Variants in BBX observed in about 807,000 individuals in gnomAD.
BBX encodes BBX high mobility group box domain containing.
A neutral mutation model predicts 100.2 loss-of-function variants in BBX; 30 were observed. That is an observed-to-expected ratio of 0.30 (90% CI 0.22 to 0.41). The LOEUF (loss-of-function observed/expected upper bound fraction) is 0.41. Ranked by LOEUF, BBX falls within the 10% of genes least tolerant of loss-of-function variation. The probability of loss-of-function intolerance (pLI) is 1.00; values close to 1 mark genes in which losing one functional copy is unlikely to be tolerated. For missense variants in BBX, 1,023 were observed against 1,129.8 expected, an observed-to-expected ratio of 0.91 and a Z score of 1.35; for synonymous variants, 376 against 388.1, an observed-to-expected ratio of 0.97 and a Z score of 0.37.
intron 15 of BBX, among the ~76,000 whole-genome samples, chr3:107,794,395 A>G (rs1181193709): frequency 2.0e-5 from 3 of 152,132 alleles, no homozygotes; most frequent in Admixed American, 2.0e-4. Flanking sequence ...TTTAACCCTC[A>G]TTTGGTTCAA....
intron 7 of BBX, among the ~76,000 whole-genome samples, chr3:107,739,545 G>A (rs2063910177): frequency 6.6e-6 from 1 of 152,290 alleles, no homozygotes; most frequent in East Asian, 1.9e-4. Context: ...CAGCTTGATT[G>A]ACAAATCACA....
chr3:107,629,414 A>G (rs1409885609), intron 2 of BBX, among the ~76,000 whole-genome samples: 6 of 152,224 alleles, frequency 3.9e-5, no homozygotes, highest in Non-Finnish European at 7.3e-5. Context: ...CTGTCCCTAA[A>G]TTAGTACCCA....
intron 10 of BBX, among the ~76,000 whole-genome samples, chr3:107,767,199 A>C (rs1297038276): frequency 6.6e-6 from 1 of 152,166 alleles, no homozygotes; most frequent in East Asian, 1.9e-4. Flanking sequence ...TTAAAGTATA[A>C]AATACATATG....
At chr3:107,525,455 GA>G (rs933914067) in intron 1 of BBX, 2 of 152,448 alleles carry the variant, frequency 1.3e-5, no homozygotes, top group African/African-American at 4.8e-5. Flanking sequence ...CTCCGTTATG[GA>G]AAGGTGTTTA....
chr3:107,737,154 C>G (rs1293955930), intron 7 of BBX, among the ~76,000 whole-genome samples: 2 of 152,100 alleles, frequency 1.3e-5, no homozygotes, highest in African/African-American at 4.8e-5. Context: ...CTGTAAGGCA[C>G]TTTTAACTCT....
chr3:107,629,152 A>C (rs1409544311), intron 2 of BBX, among the ~76,000 whole-genome samples: 2 of 152,086 alleles, frequency 1.3e-5, no homozygotes, highest in Admixed American at 1.3e-4. Flanking sequence ...GGGTGATTTG[A>C]GTAGCTAAGT....
chr3:107,594,489 G>A (rs1045202658), intron 2 of BBX, among the ~76,000 whole-genome samples: 5 of 152,184 alleles, frequency 3.3e-5, no homozygotes, highest in African/African-American at 1.2e-4. Flanking sequence ...GGTGTTGGTG[G>A]TGGGAATAAA....
At chr3:107,588,641 C>T (rs2053045616) in intron 2 of BBX, among the ~76,000 whole-genome samples, 1 of 152,080 alleles carries the variant, frequency 6.6e-6, no homozygotes, top group Non-Finnish European at 1.5e-5. Flanking sequence ...TTCCCATTTC[C>T]AGTTTAAAAA....
chr3:107,556,344 A>G (rs750844874), intron 2 of BBX, among the ~76,000 whole-genome samples: 1 of 152,170 alleles, frequency 6.6e-6, no homozygotes, highest in Non-Finnish European at 1.5e-5. Context: ...TAATTTTGGT[A>G]TGTGTGTATT....
intron 10 of BBX, among the ~76,000 whole-genome samples, chr3:107,757,446 A>C (rs1201757575): frequency 2.6e-5 from 4 of 152,198 alleles, no homozygotes; most frequent in Admixed American, 1.3e-4. Context: ...AAAATGACTG[A>C]AATAAGCCTA....
At chr3:107,608,410 T>C in intron 2 of BBX, among the ~76,000 whole-genome samples, 1 of 152,284 alleles carries the variant, frequency 6.6e-6, no homozygotes, top group African/African-American at 2.4e-5. Flanking sequence ...GGTTCTCTAT[T>C]CTGTTCTATG....
intron 2 of BBX, among the ~76,000 whole-genome samples, chr3:107,641,616 G>C (rs183447357): frequency 6.6e-6 from 1 of 152,210 alleles, no homozygotes; most frequent in Admixed American, 6.5e-5. Context: ...ATTATCTAGG[G>C]AACTCTTAAG....
intron 3 of BBX, among the ~76,000 whole-genome samples, chr3:107,700,698 T>C (rs1290458070): frequency 6.6e-6 from 1 of 150,790 alleles, no homozygotes; most frequent in Non-Finnish European, 1.5e-5. Context: ...GTTTGGTTTT[T>C]GTCCTTGCGA....
At chr3:107,640,315 G>A (rs757723598) in intron 2 of BBX, among the ~76,000 whole-genome samples, 2 of 152,122 alleles carry the variant, frequency 1.3e-5, no homozygotes, top group African/African-American at 2.4e-5. Flanking sequence ...ACTTTCTCAC[G>A]TGAACCCTGT....
chr3:107,770,908 T>C (rs932997055), intron 10 of BBX, among the ~76,000 whole-genome samples: 6 of 152,200 alleles, frequency 3.9e-5, no homozygotes, highest in Non-Finnish European at 8.8e-5. Context: ...ATCTGGTATT[T>C]AATTCAATGT....
chr3:107,663,232 G>A (rs1410064293), intron 3 of BBX, among the ~76,000 whole-genome samples: 1 of 152,130 alleles, frequency 6.6e-6, no homozygotes, highest in Non-Finnish European at 1.5e-5. Flanking sequence ...AAATAAGTTT[G>A]TGGCTATAGT....
At chr3:107,526,143 G>A (rs1188233105) in intron 1 of BBX, among the ~76,000 whole-genome samples, 184 bp from the exon 2 acceptor site, 1 of 152,178 alleles carries the variant, frequency 6.6e-6, no homozygotes, top group East Asian at 1.9e-4. Context: ...AATACGGGGA[G>A]CTTCTTTGCC....
intron 2 of BBX, among the ~76,000 whole-genome samples, chr3:107,619,492 A>G (rs1276828547): frequency 6.6e-6 from 1 of 152,134 alleles, no homozygotes; most frequent in Non-Finnish European, 1.5e-5. Flanking sequence ...TGTAAAATTC[A>G]AGAGAAGGAA....
intron 3 of BBX, among the ~76,000 whole-genome samples, chr3:107,663,485 C>G (rs2058570177): frequency 6.6e-6 from 1 of 152,118 alleles, no homozygotes; most frequent in South Asian, 2.1e-4. Flanking sequence ...CACCCAGATT[C>G]CATTGCCTCT....
Sources: gnomAD v4.1 joint callset for allele counts (sites outside exome capture counted in the v4.1 genomes callset) on GRCh38, gnomAD v4.1.1 for gene constraint, MANE v1.5 for transcripts, NCBI Gene and HGNC (gene_info 2026-07-23, HGNC 2026-07-21) for gene names.